Variants in STK17A observed in about 807,000 individuals in gnomAD.
The protein encoded by STK17A is serine/threonine kinase 17a.
Under a neutral mutation model 43.7 loss-of-function variants are expected in STK17A, and 26 were observed. The observed-to-expected ratio is 0.60, with a 90% confidence interval of 0.44 to 0.83. The LOEUF (loss-of-function observed/expected upper bound fraction) is 0.83. Among genes scored for constraint, STK17A ranks in the 40% least tolerant of loss-of-function variants. STK17A has a pLI of 0.00. For synonymous variants in STK17A, 191 were observed against 182.5 expected, an observed-to-expected ratio of 1.05 and a Z score of -0.38; for missense variants, 476 against 511.6, an observed-to-expected ratio of 0.93 and a Z score of 0.67.
rs1476118736 is a variant in STK17A at position 43,619,639 on chromosome 7, A to G, written c.607A>G (p.Ile203Val). 10 of 1,614,126 alleles carry G rather than the reference A, an allele frequency of 6.2e-6. No individual in the cohort carries two copies. Among genetic ancestry groups the G allele is most frequent in the Non-Finnish European group, 8.5e-6 (10 of 1,180,004 alleles). ...GACAAGTGAATCTCCATTGGGTGAC[A>G]TTAAGATTGTTGATTTTGGCCTTTC... Reference protein sequence around the residue: ...LLTSESPLGDIKIVDFGLSRI... With the variant: ...LLTSESPLGDVKIVDFGLSRI... The change falls in exon 4 of 7, where the codon ATT (isoleucine) becomes GTT (valine). Residue 203 changes from isoleucine to valine, a missense_variant. By Grantham distance (29) the Ile-to-Val change is conservative. Coordinates refer to ENST00000319357, the MANE Select transcript of STK17A (RefSeq NM_004760.3).
chr7:43,603,872 CATATGAA>C (rs1415179962), intron 2 of STK17A, among the ~76,000 whole-genome samples: 1 of 152,160 alleles, frequency 6.6e-6, no homozygotes, highest in Non-Finnish European at 1.5e-5. Flanking sequence ...ATGTAAGTTG[CATATGAA>C]ATATAAATGT....
intron 1 of STK17A, among the ~76,000 whole-genome samples, chr7:43,591,642 C>G (rs2082480784): frequency 6.6e-6 from 1 of 151,444 alleles, no homozygotes; most frequent in South Asian, 2.1e-4. Flanking sequence ...ATTCTAGCAC[C>G]TAAAGGAATG....
intron 2 of STK17A, among the ~76,000 whole-genome samples, chr7:43,597,769 C>T (rs932940160): frequency 6.6e-6 from 1 of 151,868 alleles, no homozygotes; most frequent in African/African-American, 2.4e-5. Flanking sequence ...CCTGTCTCTA[C>T]AAAAAATACA....
chr7:43,594,948 G>T (rs974929732), intron 1 of STK17A, among the ~76,000 whole-genome samples: 4 of 151,380 alleles, frequency 2.6e-5, no homozygotes, highest in African/African-American at 4.8e-5. Flanking sequence ...ACCACCTAAG[G>T]TTACTGTCAA....
At chr7:43,612,714 A>C (rs1286444928) in intron 3 of STK17A, among the ~76,000 whole-genome samples, 2 of 152,126 alleles carry the variant, frequency 1.3e-5, no homozygotes, top group Non-Finnish European at 2.9e-5. Context: ...TACACTGCTT[A>C]GCTTTGGTGC....
At chr7:43,611,215 C>CT (rs2082847361) in intron 3 of STK17A, among the ~76,000 whole-genome samples, 1 of 152,190 alleles carries the variant, frequency 6.6e-6, no homozygotes, top group African/African-American at 2.4e-5. Context: ...AAGGTAGTTT[C>CT]TTTTTAAATA....
chr7:43,598,811 TG>T (rs1259364131), intron 2 of STK17A, among the ~76,000 whole-genome samples: 1 of 151,968 alleles, frequency 6.6e-6, no homozygotes, highest in African/African-American at 2.4e-5. Flanking sequence ...TGACCCAGGC[TG>T]GAGTGCAGTG....
chr7:43,624,627 CAAG>C lies in STK17A; in HGVS notation c.1034_1036del (p.Glu345del). 2.5e-6 allele frequency: 4 copies of C among 1,614,070 alleles called. No individual in the cohort carries two copies. The highest frequency in any genetic ancestry group is 3.4e-6 in the Non-Finnish European group (4 of 1,179,998). On this transcript the variant is annotated inframe_deletion, in exon 7 of 7. Coordinates refer to ENST00000319357, the MANE Select transcript of STK17A (RefSeq NM_004760.3). ...GGCACTAGAAGAAGCAAATGCCCTC[CAAG>C]AAGGTCATTCTGTGCCTGAAATTAA...
chr7:43,585,197 CAA>C (rs539230020), intron 1 of STK17A, among the ~76,000 whole-genome samples: 3 of 141,054 alleles, frequency 2.1e-5, no homozygotes. Flanking sequence ...ACTCCATCTC[CAA>C]AAAAAAAAAG....
chr7:43,594,609 G>C (rs766906218), intron 1 of STK17A, among the ~76,000 whole-genome samples: 4 of 152,158 alleles, frequency 2.6e-5, no homozygotes, highest in Non-Finnish European at 4.4e-5. Flanking sequence ...ATGTTTACGG[G>C]TGATGACTAT....
At chr7:43,621,032 T>C (rs1470600959) in intron 4 of STK17A, among the ~76,000 whole-genome samples, 1 of 152,042 alleles carries the variant, frequency 6.6e-6, no homozygotes, top group Non-Finnish European at 1.5e-5. Flanking sequence ...GTGTAGTTCT[T>C]GAAGGACTGA....
Position 43,626,928 on chromosome 7 carries a change from A to G in STK17A, c.*2086A>G, listed in dbSNP as rs1173589209. 6.6e-6 allele frequency: 1 copy of G among 152,192 alleles called. No individual in the cohort carries two copies. Among genetic ancestry groups the G allele is most frequent in the African/African-American group, 2.4e-5 (1 of 41,458 alleles). 9.4% of individuals were successfully genotyped at this position (152,192 alleles called of 1,614,324 possible). On this transcript the variant is annotated 3_prime_UTR_variant, in exon 7 of 7. Coordinates refer to ENST00000319357, the MANE Select transcript of STK17A (RefSeq NM_004760.3). ...CTTCAGAATATACTTGTAAAGGTGT[A>G]TTGGCATTTTTTGGTTTATAAGATA...
intron 2 of STK17A, among the ~76,000 whole-genome samples, chr7:43,598,927 T>A (rs1034431134): frequency 6.6e-6 from 1 of 152,102 alleles, no homozygotes. Context: ...CACGCCTGGC[T>A]AATTTTTTTG....
intron 2 of STK17A, among the ~76,000 whole-genome samples, chr7:43,596,771 G>A (rs975766902): frequency 2.0e-5 from 3 of 151,886 alleles, no homozygotes; most frequent in Non-Finnish European, 2.9e-5. Context: ...AGGAGCCTGA[G>A]GCAGGGGAAT....
intron 2 of STK17A, among the ~76,000 whole-genome samples, chr7:43,597,387 GTTA>G (rs914487210): frequency 2.6e-5 from 4 of 151,374 alleles, no homozygotes; most frequent in Non-Finnish European, 1.5e-5. Context: ...GCACTTTGTT[GTTA>G]TTATTTTTTT....
chr7:43,620,362 T>C (rs1440144927), intron 4 of STK17A, among the ~76,000 whole-genome samples: 1 of 152,098 alleles, frequency 6.6e-6, no homozygotes, highest in Non-Finnish European at 1.5e-5. Context: ...AACTGAGAGG[T>C]TGTGACCAGA....
At chr7:43,589,937 A>ATTTT (rs373425371) in intron 1 of STK17A, among the ~76,000 whole-genome samples, 12 of 103,860 alleles carry the variant, frequency 1.2e-4, no homozygotes, top group East Asian at 4.4e-4. Flanking sequence ...TTTTAATTTT[A>ATTTT]ATTTTATTTT....
intron 3 of STK17A, among the ~76,000 whole-genome samples, chr7:43,612,534 T>G (rs2082968031): frequency 6.6e-6 from 1 of 152,252 alleles, no homozygotes; most frequent in Non-Finnish European, 1.5e-5. Flanking sequence ...ATGTTTTCAT[T>G]CTCTAAAAAC....
intron 3 of STK17A, among the ~76,000 whole-genome samples, chr7:43,611,995 A>G (rs901327734): frequency 6.6e-6 from 1 of 152,212 alleles, no homozygotes; most frequent in African/African-American, 2.4e-5. Context: ...GGTGAATATT[A>G]AGTTCTTGAA....
Sources: gnomAD v4.1 joint callset for allele counts (sites outside exome capture counted in the v4.1 genomes callset) on GRCh38, gnomAD v4.1.1 for gene constraint, MANE v1.5 for transcripts, NCBI Gene and HGNC (gene_info 2026-07-23, HGNC 2026-07-21) for gene names.